CLIP2: variants seen among roughly 807,000 people sequenced by gnomAD.
The protein encoded by CLIP2 is CAP-Gly domain-containing linker protein 2.
In CLIP2, 41 loss-of-function variants were observed where a neutral mutation model predicts 111.7. That is an observed-to-expected ratio of 0.37 (90% confidence interval 0.29 to 0.48). CLIP2 has a LOEUF of 0.48. Ranked by LOEUF, CLIP2 falls within the 20% of genes least tolerant of loss-of-function variation. The pLI, the probability that CLIP2 is intolerant of heterozygous loss-of-function variation, is 0.99. For missense variants in CLIP2, 1,160 were observed against 1,422.1 expected, an observed-to-expected ratio of 0.82 and a Z score of 2.96; for synonymous variants, 660 against 644.2, an observed-to-expected ratio of 1.02 and a Z score of -0.37.
At chr7:74,293,140 C>T (rs114680847) in intron 1 of CLIP2, among the ~76,000 whole-genome samples, 2,133 of 152,276 alleles carry the variant, frequency 0.014, 54 homozygotes, top group African/African-American at 0.049. Flanking sequence ...GGGGTGCCCT[C>T]CGATCCCATA....
At position 74,314,460 on chromosome 7, in the gene CLIP2, C is replaced by T. The variant is rs573104807; in HGVS notation, c.-67-3020C>T. ...GAGCTGAGATCATGACACTGCACTC[C>T]AGCTTGGGCAACAGAGTAAAACCCT... On this transcript the variant is annotated intron_variant, in intron 1 of 16. Transcript: ENST00000223398. 3.9e-5 allele frequency among the ~76,000 whole-genome samples: 6 copies of T among 152,206 alleles called. No individual in the cohort carries two copies. In the East Asian group the frequency reaches 5.8e-4, roughly 15 times the overall value.
At chr7:74,393,966 A>C (rs12537469) in intron 13 of CLIP2, among the ~76,000 whole-genome samples, 75,828 of 151,888 alleles carry the variant, frequency 0.5, 18,976 homozygotes, top group Middle Eastern at 0.57. Flanking sequence ...AAAAGTTATT[A>C]TTGGTGCCCT....
chr7:74,329,752 C>T (rs1231923681), intron 2 of CLIP2, among the ~76,000 whole-genome samples: 2 of 148,526 alleles, frequency 1.3e-5, no homozygotes, highest in Non-Finnish European at 3.0e-5. Flanking sequence ...CTGCAAGGTC[C>T]CTCTTGGTTA....
chr7:74,317,638 C>T lies in CLIP2; in HGVS notation c.92C>T (p.Ser31Leu), dbSNP rs199728690. 4.3e-5 allele frequency: 66 copies of T among 1,517,808 alleles called. No homozygotes were observed. In the African/African-American group the frequency reaches 7.3e-4, roughly 17 times the overall value. 94.0% of individuals were successfully genotyped at this position (1,517,808 alleles called of 1,614,324 possible). A position where few individuals can be genotyped will look rare whatever the true frequency, so the allele number is the denominator to read the frequency against. ...ACATCTACTGGGTCAGCTTCATCCT[C>T]GGCGGCGGTGGCCGCTAGCTCCAAG... The part of the protein sequence containing the change: ...GRTSTGSASS[S>L]AAVAASSKEG... Residue 31 changes from serine to leucine, a missense_variant, in exon 2 of 17, where the codon TCG becomes TTG. Ser to Leu is a moderately radical substitution (Grantham distance 145). Transcript: ENST00000223398.
intron 1 of CLIP2, among the ~76,000 whole-genome samples, chr7:74,311,003 G>A (rs570738282): frequency 1.1e-4 from 16 of 144,340 alleles, no homozygotes; most frequent in Non-Finnish European, 2.1e-4. Context: ...TTTTTGAGAC[G>A]GAGTCTTGCT....
chr7:74,303,676 T>G (rs1259523157), intron 1 of CLIP2, among the ~76,000 whole-genome samples: 1 of 140,494 alleles, frequency 7.1e-6, no homozygotes, highest in African/African-American at 2.7e-5. Context: ...CTTTGGGAGG[T>G]GAAGGCAGGC....
intron 3 of CLIP2, among the ~76,000 whole-genome samples, chr7:74,349,470 GTATATATATATATATATATATA>G (rs1158400867): frequency 0.023 from 763 of 33,826 alleles, 41 homozygotes; most frequent in Middle Eastern, 0.05. Flanking sequence ...GTGTGTGTGT[GTATATATATATATATATATATA>G]TATATATATA....
At position 74,400,409 on chromosome 7, in the gene CLIP2, C is replaced by G; in HGVS notation, c.2920C>G (p.Leu974Val). ...CCTGTCGGATCAGAGGCGCTACTCC[C>G]TCATCGACCGGTCCTCGGCGCCCGA... ...KSLSDQRRYS[L>V]IDRSSAPELL... Residue 974 changes from leucine (L) to valine (V), a missense_variant, in exon 15 of 17, where the codon CTC becomes GTC. Coordinates refer to ENST00000223398, the MANE Select transcript of CLIP2 (RefSeq NM_003388.5). 1 of 1,613,624 alleles carries G rather than the reference C, an allele frequency of 6.2e-7. No homozygotes were observed. The highest frequency in any genetic ancestry group is 8.5e-7 in the Non-Finnish European group (1 of 1,179,704).
chr7:74,385,382 C>T lies in CLIP2; in HGVS notation c.2480-1139C>T, dbSNP rs1052241816. ...TCGGGAGGCTGAGGAAGGAGGATGA[C>T]TTGAACCCAGGGGGTCGAGGCTGCA... On this transcript the variant is annotated intron_variant, in intron 11 of 16. Coordinates refer to ENST00000223398, the MANE Select transcript of CLIP2 (RefSeq NM_003388.5). Among the ~76,000 whole-genome samples the T allele has an allele frequency of 2.7e-5, 4 of 149,918 alleles. 1 individual carries two copies. The South Asian group carries it at 8.4e-4, about 31-fold the overall frequency.
rs1790329170 is a variant in CLIP2 at position 74,361,393 on chromosome 7, T to C, written c.1319+1115T>C. On this transcript the variant is annotated intron_variant, in intron 7 of 16. Transcript: ENST00000223398. Reference sequence around the variant, plus strand: ...CACCAAGCCCTGCTAATTTTTGTATTTTTAGTAGAGATGGGGTTTTACCAT... The same window carrying C: ...CACCAAGCCCTGCTAATTTTTGTATCTTTAGTAGAGATGGGGTTTTACCAT... Among the ~76,000 whole-genome samples the C allele has an allele frequency of 1.3e-5, 2 of 151,938 alleles. 1 individual carries two copies. Among genetic ancestry groups the C allele is most frequent in the South Asian group, 4.2e-4 (2 of 4,812 alleles).
intron 10 of CLIP2, chr7:74,380,589 A>G: frequency 2.2e-6 from 1 of 448,986 alleles, no homozygotes; most frequent in East Asian, 3.3e-5. Flanking sequence ...GGCGGCCTTC[A>G]GCAGAGCTGG....
chr7:74,328,307 T>TTCGGGAGAGAAAAGGAGGC (rs1249803791), intron 2 of CLIP2, among the ~76,000 whole-genome samples: 1 of 152,156 alleles, frequency 6.6e-6, no homozygotes, highest in Non-Finnish European at 1.5e-5. Context: ...TTTGAGCACC[T>TTCGGGAGAGAAAAGGAGGC]TCGGGAGAGA....
intron 1 of CLIP2, among the ~76,000 whole-genome samples, chr7:74,311,578 G>A (rs1788640938): frequency 1.3e-5 from 2 of 152,082 alleles, no homozygotes; most frequent in African/African-American, 4.8e-5. Context: ...TTGGGTTGTT[G>A]TCTTCTTAGC....
In CLIP2 at chr7:74,380,829, A is replaced by AGAGGAGACGATCAGGACG. The variant is rs1790921470; in HGVS notation, c.2446_2463dup (p.Glu816_Thr821dup). On this transcript the variant is annotated inframe_insertion, in exon 11 of 17. Transcript: ENST00000223398. ...AGATGATTGAGTCGAATGACATTTC[A>AGAGGAGACGATCAGGACG]GAGGAGACGATCAGGACGAAGGAAA... is the stretch of plus-strand genomic sequence containing the variant. 1.2e-6 allele frequency: 2 copies of AGAGGAGACGATCAGGACG among 1,610,300 alleles called. No individual in the cohort carries two copies. The highest frequency in any genetic ancestry group is 8.5e-7 in the Non-Finnish European group (1 of 1,177,450).
intron 1 of CLIP2, among the ~76,000 whole-genome samples, chr7:74,292,869 C>G (rs1554725582): frequency 2.0e-5 from 3 of 152,258 alleles, no homozygotes; most frequent in Non-Finnish European, 4.4e-5. Context: ...TCTACCCACC[C>G]TCTTCGGGTT....
intron 8 of CLIP2, among the ~76,000 whole-genome samples, chr7:74,370,833 A>G (rs1303123820): frequency 6.6e-6 from 1 of 151,646 alleles, no homozygotes; most frequent in African/African-American, 2.4e-5. Context: ...TGTTTCCTCT[A>G]TTTCACGTTC....
At chr7:74,369,725 T>C (rs1479847467) in intron 8 of CLIP2, among the ~76,000 whole-genome samples, 13 of 133,186 alleles carry the variant, frequency 9.8e-5, no homozygotes, top group African/African-American at 3.5e-4. Context: ...GGCATAGTGG[T>C]GCTTGCCTGT....
At position 74,401,125 on chromosome 7, in the gene CLIP2, C is replaced by T. The variant is rs180920972; in HGVS notation, c.3067-380C>T. On this transcript the variant is annotated intron_variant, in intron 15 of 16. Transcript: ENST00000223398. The stretch of plus-strand genomic sequence containing the variant: ...TCTGAAGGGGGAGGCAGCTCTGTCC[C>T]GGGAACCCTGGTCTGAAGGGGGAGG... Among the ~76,000 whole-genome samples the T allele has an allele frequency of 1.7e-4, 26 of 151,170 alleles. No homozygotes were observed. The East Asian group carries it at 4.7e-3, about 27-fold the overall frequency.
Position 74,404,055 on chromosome 7 carries a change from AGT to A in CLIP2, c.*211_*212del. ...TCCTCAAGCCCAGCCTTCTACAGAG[AGT>A]GTGAACGGTACAGCCCCGGCCTGAC... On this transcript the variant is annotated 3_prime_UTR_variant, in exon 17 of 17. Coordinates refer to ENST00000223398, the MANE Select transcript of CLIP2 (RefSeq NM_003388.5). 1.6e-6 allele frequency: 1 copy of A among 623,642 alleles called. No homozygotes were observed. The highest frequency in any genetic ancestry group is 2.9e-6 in the Non-Finnish European group (1 of 342,674). The allele number at this position is 623,642 out of a possible 1,614,324, so 38.6% of individuals were successfully genotyped here.
Sources: allele counts gnomAD v4.1 joint callset (sites outside exome capture counted in the v4.1 genomes callset), GRCh38; gene constraint gnomAD v4.1.1; transcripts MANE v1.5; gene names NCBI Gene and HGNC (gene_info 2026-07-23, HGNC 2026-07-21).